Variants in TMEM108 observed in about 807,000 individuals in gnomAD.
The protein encoded by TMEM108 is cancer/testis antigen 124.
In TMEM108, 12 loss-of-function variants were observed where a neutral mutation model predicts 35.1. That is an observed-to-expected ratio of 0.34 (90% CI 0.22 to 0.55). The LOEUF (loss-of-function observed/expected upper bound fraction) is 0.55, where lower values mean the gene tolerates loss of function less well. Ranked by LOEUF, TMEM108 falls within the 20% of genes least tolerant of loss-of-function variation. The pLI is 0.89. For missense variants in TMEM108, 680 were observed against 753.3 expected, an observed-to-expected ratio of 0.90 and a Z score of 1.14; for synonymous variants, 287 against 308.6, an observed-to-expected ratio of 0.93 and a Z score of 0.73.
intron 3 of TMEM108, among the ~76,000 whole-genome samples, chr3:133,326,826 G>A (rs2071339106): frequency 6.6e-6 from 1 of 152,204 alleles, no homozygotes; most frequent in African/African-American, 2.4e-5. Context: ...ACATGTTTTA[G>A]CCTCCTTATC....
intron 2 of TMEM108, among the ~76,000 whole-genome samples, chr3:133,073,522 A>C (rs1260087889): frequency 5.1e-4 from 50 of 98,082 alleles, no homozygotes; most frequent in African/African-American, 1.1e-3. Context: ...ATATATATAT[A>C]TATATATATA....
At chr3:133,139,301 C>CT (rs905208671) in intron 2 of TMEM108, among the ~76,000 whole-genome samples, 33 of 152,054 alleles carry the variant, frequency 2.2e-4, no homozygotes, top group Non-Finnish European at 4.7e-4. Context: ...CTGGGTCAAT[C>CT]TATCTATCTG....
intron 2 of TMEM108, among the ~76,000 whole-genome samples, chr3:133,059,379 G>A (rs1350606693): frequency 6.6e-6 from 1 of 151,476 alleles, no homozygotes; most frequent in Non-Finnish European, 1.5e-5. Context: ...ACTTTTTTTT[G>A]GAAGGGTCCA....
intron 2 of TMEM108, among the ~76,000 whole-genome samples, chr3:133,107,776 A>G (rs996629690): frequency 1.3e-5 from 2 of 152,194 alleles, no homozygotes; most frequent in African/African-American, 2.4e-5. Context: ...GAACCGCTAT[A>G]GCCTCTAAGC....
Position 133,041,456 on chromosome 3 carries a change from T to C in TMEM108, c.-166+3021T>C, listed in dbSNP as rs372741657. Reference sequence around the variant, plus strand: ...GGGAATTCCTGGAGGAGCTGAACTATGGAGCTGGCAAACCAGCAGTGTGTA... The same window carrying C: ...GGGAATTCCTGGAGGAGCTGAACTACGGAGCTGGCAAACCAGCAGTGTGTA... On this transcript the variant is annotated intron_variant, in intron 1 of 5. Coordinates refer to ENST00000321871, the MANE Select transcript of TMEM108 (RefSeq NM_023943.4). Among the ~76,000 whole-genome samples the C allele has an allele frequency of 1.8e-4, 27 of 152,186 alleles. No individual in the cohort carries two copies. The East Asian group carries it at 2.1e-3, about 12-fold the overall frequency.
At chr3:133,331,395 G>A (rs1288720898) in intron 3 of TMEM108, among the ~76,000 whole-genome samples, 1 of 152,104 alleles carries the variant, frequency 6.6e-6, no homozygotes, top group Non-Finnish European at 1.5e-5. Flanking sequence ...TCCCATTGTT[G>A]ATTATTTTAT....
At chr3:133,128,058 T>C (rs1388433339) in intron 2 of TMEM108, among the ~76,000 whole-genome samples, 1 of 152,206 alleles carries the variant, frequency 6.6e-6, no homozygotes, top group Admixed American at 6.5e-5. Flanking sequence ...TTAAGAAATA[T>C]CAGGTGGATG....
intron 2 of TMEM108, among the ~76,000 whole-genome samples, chr3:133,163,059 T>G (rs79535407): frequency 0.014 from 2,138 of 152,286 alleles, 43 homozygotes; most frequent in African/African-American, 0.049. Context: ...CTTTCTAACT[T>G]CATGCCTGTC....
At chr3:133,330,736 A>G (rs1189150883) in intron 3 of TMEM108, among the ~76,000 whole-genome samples, 1 of 152,114 alleles carries the variant, frequency 6.6e-6, no homozygotes, top group Admixed American at 6.6e-5. Context: ...TCATATTTTG[A>G]TGCTGACCAA....
chr3:133,327,097 C>A (rs1409535754), intron 3 of TMEM108, among the ~76,000 whole-genome samples: 1 of 152,032 alleles, frequency 6.6e-6, no homozygotes, highest in Non-Finnish European at 1.5e-5. Context: ...CTGTTTGCCA[C>A]AAGAAGGGTG....
chr3:133,301,861 C>A (rs1513366), intron 3 of TMEM108, among the ~76,000 whole-genome samples: 17,940 of 152,166 alleles, frequency 0.12, 1,481 homozygotes, highest in East Asian at 0.38. Flanking sequence ...TTGCCATTTC[C>A]TGTCTTGATT....
chr3:133,319,561 A>C (rs2071240103), intron 3 of TMEM108, among the ~76,000 whole-genome samples: 1 of 152,212 alleles, frequency 6.6e-6, no homozygotes, highest in Non-Finnish European at 1.5e-5. Flanking sequence ...TGCTAACATA[A>C]CTAGCATTCA....
At chr3:133,138,926 C>T (rs1469604494) in intron 2 of TMEM108, among the ~76,000 whole-genome samples, 1 of 151,932 alleles carries the variant, frequency 6.6e-6, no homozygotes, top group Non-Finnish European at 1.5e-5. Flanking sequence ...AGCTCCCCAC[C>T]CCCCAACAGG....
At chr3:133,121,329 T>C (rs1349160639) in intron 2 of TMEM108, among the ~76,000 whole-genome samples, 2 of 152,212 alleles carry the variant, frequency 1.3e-5, no homozygotes, top group Non-Finnish European at 2.9e-5. Context: ...ATCTAGAGTA[T>C]TCCAAATAAA....
intron 2 of TMEM108, among the ~76,000 whole-genome samples, chr3:133,221,359 A>G (rs1006483778): frequency 3.9e-5 from 6 of 152,138 alleles, no homozygotes; most frequent in African/African-American, 1.4e-4. Context: ...GAATGCTCCT[A>G]TCACTCAGGA....
At position 133,325,327 on chromosome 3, in the gene TMEM108, A is replaced by G. The variant is rs138875391; in HGVS notation, c.41-54425A>G. Among the ~76,000 whole-genome samples the G allele has an allele frequency of 9.6e-4, 146 of 152,302 alleles. 3 individuals are homozygous for G. The East Asian group carries it at 0.026, about 27-fold the overall frequency. On this transcript the variant is annotated intron_variant, in intron 3 of 5. Transcript: ENST00000321871. ...ATATAATGGATTTTGGGGATTCAAG[A>G]AAAAGGGCAGTAGGTGGGTGAGGGA...
At chr3:133,317,650 A>C (rs1016150403) in intron 3 of TMEM108, among the ~76,000 whole-genome samples, 1 of 152,198 alleles carries the variant, frequency 6.6e-6, no homozygotes, top group Non-Finnish European at 1.5e-5. Context: ...TAGAGATGTT[A>C]TATGGTGTGA....
chr3:133,304,146 A>G lies in TMEM108; in HGVS notation c.40+74795A>G, dbSNP rs13321168. Among the ~76,000 whole-genome samples the G allele has an allele frequency of 4.9e-3, 749 of 152,346 alleles. 7 individuals are homozygous for G. Among genetic ancestry groups the G allele is most frequent in the African/African-American group, 0.017 (702 of 41,562 alleles). ...AAGAAAATGAACCAGCATAATACCT[A>G]GTACATAAAAGGAGTTCAAGAAATG... On this transcript the variant is annotated intron_variant, in intron 3 of 5. Coordinates refer to ENST00000321871, the MANE Select transcript of TMEM108 (RefSeq NM_023943.4).
chr3:133,096,793 A>G (rs1482634458), intron 2 of TMEM108, among the ~76,000 whole-genome samples: 2 of 152,242 alleles, frequency 1.3e-5, no homozygotes, highest in African/African-American at 4.8e-5. Context: ...ATAATTTGGT[A>G]TAATACGCAA....
Sources: allele counts gnomAD v4.1 joint callset (sites outside exome capture counted in the v4.1 genomes callset), GRCh38; gene constraint gnomAD v4.1.1; transcripts MANE v1.5; gene names NCBI Gene and HGNC (gene_info 2026-07-23, HGNC 2026-07-21).